The following CTNNA2 variants were observed in gnomAD, a reference collection of about 807,000 sequenced individuals.
CTNNA2 encodes catenin alpha-2.
Under a neutral mutation model 101.0 loss-of-function variants are expected in CTNNA2, and 42 were observed. The ratio of observed to expected loss-of-function variants is 0.42; its 90% CI spans 0.32 to 0.54. The LOEUF (loss-of-function observed/expected upper bound fraction) is 0.54. Ranked by LOEUF, CTNNA2 falls within the 20% of genes least tolerant of loss-of-function variation. CTNNA2 has a pLI of 0.14. For synonymous variants in CTNNA2, 450 were observed against 456.4 expected, an observed-to-expected ratio of 0.99 and a Z score of 0.18; for missense variants, 871 against 1,223.1, an observed-to-expected ratio of 0.71 and a Z score of 4.29.
intron 9 of CTNNA2, among the ~76,000 whole-genome samples, chr2:80,451,056 T>C (rs914050947): frequency 6.6e-6 from 1 of 152,114 alleles, no homozygotes; most frequent in Non-Finnish European, 1.5e-5. Context: ...TCTGAAAATA[T>C]CTGGTGCATT....
At chr2:80,382,089 A>G (rs1489354741) in intron 7 of CTNNA2, among the ~76,000 whole-genome samples, 1 of 152,162 alleles carries the variant, frequency 6.6e-6, no homozygotes, top group Non-Finnish European at 1.5e-5. Flanking sequence ...AGGCAACAAT[A>G]TGACTCTACC....
chr2:79,898,506 C>A (rs1018275340), intron 6 of CTNNA2, among the ~76,000 whole-genome samples: 1 of 152,084 alleles, frequency 6.6e-6, no homozygotes, highest in Admixed American at 6.5e-5. Context: ...AGTGCACGGG[C>A]CTTGGAGTCA....
chr2:79,760,907 G>A (rs1371093050), intron 3 of CTNNA2, among the ~76,000 whole-genome samples: 5 of 151,050 alleles, frequency 3.3e-5, no homozygotes, highest in Non-Finnish European at 4.4e-5. Flanking sequence ...AGGGTGTTAC[G>A]TGTGCCCTCT....
intron 7 of CTNNA2, among the ~76,000 whole-genome samples, chr2:80,192,760 G>T (rs932004901): frequency 1.3e-5 from 2 of 152,084 alleles, no homozygotes; most frequent in South Asian, 2.1e-4. Flanking sequence ...TGATCCACCC[G>T]CCTCGGCCTC....
intron 2 of CTNNA2, among the ~76,000 whole-genome samples, chr2:79,269,724 A>G (rs1675037409): frequency 6.6e-6 from 1 of 152,144 alleles, no homozygotes; most frequent in African/African-American, 2.4e-5. Flanking sequence ...CCCTAAGCAC[A>G]GAGGGCATAA....
chr2:80,035,223 A>G (rs1425271204), intron 7 of CTNNA2, among the ~76,000 whole-genome samples: 1 of 152,204 alleles, frequency 6.6e-6, no homozygotes, highest in African/African-American at 2.4e-5. Context: ...AAGGGAAAAT[A>G]GTAACATATG....
At chr2:79,777,911 A>G (rs1368173380) in intron 3 of CTNNA2, among the ~76,000 whole-genome samples, 2 of 119,246 alleles carry the variant, frequency 1.7e-5, no homozygotes, top group Admixed American at 8.1e-5. Flanking sequence ...TTTTTTTTGT[A>G]CTTGTCTTGC....
At chr2:80,192,949 A>AATG (rs1365571614) in intron 7 of CTNNA2, among the ~76,000 whole-genome samples, 2 of 131,840 alleles carry the variant, frequency 1.5e-5, no homozygotes, top group South Asian at 2.3e-4. Flanking sequence ...GAGTGTGTAT[A>AATG]GTGGTGTGTG....
intron 7 of CTNNA2, among the ~76,000 whole-genome samples, chr2:80,101,220 G>A (rs1023095313): frequency 3.9e-5 from 6 of 152,240 alleles, no homozygotes; most frequent in Non-Finnish European, 8.8e-5. Flanking sequence ...TTTGGAAAAT[G>A]TCCATTTTGA....
rs368210973 is a variant in CTNNA2 at position 79,874,243 on chromosome 2, C to T, written c.753C>T (p.Ile251=). 1.9e-5 allele frequency: 31 copies of T among 1,613,968 alleles called. No individual in the cohort carries two copies. The highest frequency in any genetic ancestry group is 2.4e-5 in the Non-Finnish European group (28 of 1,180,036). The change falls in exon 6 of 19, where the codon ATC becomes ATT. Residue 251 remains isoleucine, a synonymous_variant. Coordinates refer to ENST00000402739, the MANE Select transcript of CTNNA2 (RefSeq NM_001282597.3). ...DYVFKQVQEA[I]AGISNAAQAT... The stretch of plus-strand genomic sequence containing the variant: ...TGTTCAAACAAGTCCAGGAGGCCAT[C>T]GCCGGCATCTCCAATGCTGCTCAAG...
chr2:80,330,196 C>CA (rs1170530696), intron 7 of CTNNA2, among the ~76,000 whole-genome samples: 1 of 152,166 alleles, frequency 6.6e-6, no homozygotes, highest in Non-Finnish European at 1.5e-5. Flanking sequence ...TATCTTGTGC[C>CA]AAGCAAGGTG....
In CTNNA2 at chr2:79,858,139, A is replaced by T. The variant is rs1385906082; in HGVS notation, c.425A>T (p.Asp142Val). 1.2e-6 allele frequency: 2 copies of T among 1,613,918 alleles called. No individual in the cohort carries two copies. The highest frequency in any genetic ancestry group is 1.7e-6 in the Non-Finnish European group (2 of 1,179,830). ...GTGACACGCTTACTCATCCTGGCGGACATGGCAGATGTCATGAGACTTTTA... is the reference window on the plus strand; with the variant it reads ...GTGACACGCTTACTCATCCTGGCGGTCATGGCAGATGTCATGAGACTTTTA... ...SAVTRLLILA[D>V]MADVMRLLSH... Residue 142 changes from aspartate to valine, a missense_variant, in exon 4 of 19, where the codon GAC becomes GTC. Physicochemically the swap from Asp to Val is radical, Grantham distance 152 (BLOSUM62 -3). Transcript: ENST00000402739.
chr2:79,815,654 T>C (rs911453201), intron 3 of CTNNA2, among the ~76,000 whole-genome samples: 41 of 152,192 alleles, frequency 2.7e-4, no homozygotes, highest in Non-Finnish European at 7.3e-5. Flanking sequence ...ACTGTTTTGG[T>C]GACAATGGCC....
At chr2:80,222,784 T>C (rs2149057677) in intron 7 of CTNNA2, among the ~76,000 whole-genome samples, 1 of 152,344 alleles carries the variant, frequency 6.6e-6, no homozygotes, top group Non-Finnish European at 1.5e-5. Flanking sequence ...AGCTATAATC[T>C]CAAATCCCAC....
intron 2 of CTNNA2, among the ~76,000 whole-genome samples, chr2:79,300,300 G>T (rs549586777): frequency 6.6e-6 from 1 of 152,116 alleles, no homozygotes; most frequent in Non-Finnish European, 1.5e-5. Context: ...TTGTAGATGG[G>T]ATTCTTTTAC....
At chr2:80,229,433 A>G (rs1205435486) in intron 7 of CTNNA2, among the ~76,000 whole-genome samples, 3 of 152,204 alleles carry the variant, frequency 2.0e-5, no homozygotes, top group Non-Finnish European at 1.5e-5. Flanking sequence ...ACATCACGCA[A>G]GAAAAGTTTA....
Position 80,021,453 on chromosome 2 carries a change from A to G in CTNNA2, c.1056+111656A>G, listed in dbSNP as rs573043441. Among the ~76,000 whole-genome samples the G allele has an allele frequency of 8.5e-5, 13 of 152,330 alleles. 1 individual carries two copies. Among genetic ancestry groups the G allele is most frequent in the Middle Eastern group, 6.8e-3 (2 of 294 alleles). On this transcript the variant is annotated intron_variant, in intron 7 of 18. Transcript: ENST00000402739. ...GGTAGGATTGTAAGTGGTGTGCAGA[A>G]GAATGCAGTCTTGGGACTCATCAAA...
intron 2 of CTNNA2, among the ~76,000 whole-genome samples, chr2:79,734,563 G>A (rs1009859794): frequency 3.3e-5 from 5 of 152,022 alleles, no homozygotes; most frequent in African/African-American, 1.2e-4. Flanking sequence ...CTGTCTTCCA[G>A]CAAAGGTTTC....
chr2:80,326,345 G>A (rs377629718), intron 7 of CTNNA2, among the ~76,000 whole-genome samples: 50 of 152,274 alleles, frequency 3.3e-4, no homozygotes, highest in African/African-American at 1.0e-3. Context: ...TTTTACTAAT[G>A]AGTTTAGCTT....
Sources: allele counts gnomAD v4.1 joint callset (sites outside exome capture counted in the v4.1 genomes callset), GRCh38; gene constraint gnomAD v4.1.1; transcripts MANE v1.5; gene names NCBI Gene and HGNC (gene_info 2026-07-23, HGNC 2026-07-21).